Variants in PLCB1 observed in about 807,000 individuals in gnomAD.
PLCB1 encodes the protein phospholipase C beta 1.
PLCB1 carries 46 observed loss-of-function variants against 161.8 expected under a neutral mutation model. The observed-to-expected ratio is 0.28, with a 90% confidence interval of 0.22 to 0.36. PLCB1 has a LOEUF of 0.36. Ranked by LOEUF, PLCB1 falls within the 10% of genes least tolerant of loss-of-function variation. PLCB1 has a pLI of 1.00. For missense variants in PLCB1, 1,016 were observed against 1,472.5 expected (o/e 0.69, Z 5.07); for synonymous variants, 517 against 503.7 (o/e 1.03, Z -0.35).
intron 3 of PLCB1, among the ~76,000 whole-genome samples, chr20:8,561,301 C>T (rs954237432): frequency 6.6e-6 from 1 of 151,902 alleles, no homozygotes; most frequent in Non-Finnish European, 1.5e-5. Context: ...GTATCTTTAA[C>T]TTAGAACATA....
At chr20:8,341,064 C>T (rs1469453308) in intron 2 of PLCB1, among the ~76,000 whole-genome samples, 3 of 152,286 alleles carry the variant, frequency 2.0e-5, no homozygotes, top group African/African-American at 7.2e-5. Flanking sequence ...CACAAGCCTA[C>T]ATGTGGACCA....
At chr20:8,308,072 C>A (rs1466670747) in intron 2 of PLCB1, among the ~76,000 whole-genome samples, 3 of 151,964 alleles carry the variant, frequency 2.0e-5, no homozygotes, top group Admixed American at 2.0e-4. Flanking sequence ...GTCAAATAAA[C>A]AAAATGCATT....
chr20:8,163,795 T>A (rs2051649228), intron 2 of PLCB1, among the ~76,000 whole-genome samples: 1 of 152,184 alleles, frequency 6.6e-6, no homozygotes. Context: ...CTAGCCTACC[T>A]AATTTACATG....
chr20:8,632,855 T>C (rs1176581485), intron 4 of PLCB1, among the ~76,000 whole-genome samples: 3 of 152,176 alleles, frequency 2.0e-5, no homozygotes, highest in African/African-American at 7.2e-5. Context: ...TGCTGTAGGA[T>C]GGCATAGGCT....
chr20:8,319,343 C>T (rs1984799947), intron 2 of PLCB1, among the ~76,000 whole-genome samples: 1 of 152,088 alleles, frequency 6.6e-6, no homozygotes, highest in Non-Finnish European at 1.5e-5. Context: ...ACTCATATGT[C>T]TGGCGAGTAG....
At chr20:8,741,784 C>T (rs374049956) in intron 23 of PLCB1, among the ~76,000 whole-genome samples, 3 of 152,184 alleles carry the variant, frequency 2.0e-5, no homozygotes, top group African/African-American at 7.2e-5. Flanking sequence ...GTGGATACCA[C>T]GAGCATCTTA....
intron 2 of PLCB1, among the ~76,000 whole-genome samples, chr20:8,192,326 AGC>A (rs2051978570): frequency 6.6e-6 from 1 of 151,846 alleles, no homozygotes; most frequent in African/African-American, 2.4e-5. Context: ...TTGCCCGAGA[AGC>A]TAATTTAAAA....
In PLCB1 at chr20:8,435,454, G is replaced by A. The variant is rs542254331; in HGVS notation, c.246+64004G>A. 4.5e-4 allele frequency among the ~76,000 whole-genome samples: 68 copies of A among 152,284 alleles called. 1 individual carries two copies. The South Asian group carries it at 0.014, about 32-fold the overall frequency. On this transcript the variant is annotated intron_variant, in intron 3 of 31. Transcript: ENST00000338037. ...CTGGGTGAGCCTGACTTAATTAGGTGAAAGCCCTTAAAAAAGGAACTGGGC... is the reference window on the plus strand; with the variant it reads ...CTGGGTGAGCCTGACTTAATTAGGTAAAAGCCCTTAAAAAAGGAACTGGGC...
intron 2 of PLCB1, among the ~76,000 whole-genome samples, chr20:8,228,150 A>T (rs748701648): frequency 6.6e-6 from 1 of 151,952 alleles, no homozygotes; most frequent in Non-Finnish European, 1.5e-5. Flanking sequence ...CAGAAGTGAG[A>T]CTCTGTCTCA....
chr20:8,686,667 G>A (rs752575089), intron 10 of PLCB1, among the ~76,000 whole-genome samples: 13 of 152,132 alleles, frequency 8.5e-5, no homozygotes, highest in South Asian at 6.2e-4. Flanking sequence ...ATTCAATCGC[G>A]GCTGCCATTC....
At chr20:8,658,260 G>A (rs1253118635) in intron 8 of PLCB1, among the ~76,000 whole-genome samples, 2 of 152,142 alleles carry the variant, frequency 1.3e-5, no homozygotes, top group African/African-American at 4.8e-5. Context: ...GCACCCTTAT[G>A]CACATGATGC....
At chr20:8,403,998 T>A (rs1490586018) in intron 3 of PLCB1, among the ~76,000 whole-genome samples, 2 of 152,224 alleles carry the variant, frequency 1.3e-5, no homozygotes, top group African/African-American at 4.8e-5. Context: ...TCTGATACTT[T>A]GAGTTAAATC....
chr20:8,191,326 G>T (rs899390603), intron 2 of PLCB1, among the ~76,000 whole-genome samples: 3 of 151,894 alleles, frequency 2.0e-5, no homozygotes, highest in Non-Finnish European at 4.4e-5. Context: ...TCAAGACAAT[G>T]AACAACTATA....
chr20:8,839,207 AG>A (rs1469980122), intron 31 of PLCB1, among the ~76,000 whole-genome samples: 3 of 152,196 alleles, frequency 2.0e-5, no homozygotes, highest in African/African-American at 7.2e-5. Flanking sequence ...TGAAATTCCT[AG>A]GAGTCCAGTG....
At chr20:8,363,062 C>A (rs1485009754) in intron 2 of PLCB1, among the ~76,000 whole-genome samples, 2 of 152,206 alleles carry the variant, frequency 1.3e-5, no homozygotes, top group African/African-American at 4.8e-5. Flanking sequence ...ATGGTGACAG[C>A]ATTGCAGTCA....
At chr20:8,477,713 A>C (rs998138530) in intron 3 of PLCB1, among the ~76,000 whole-genome samples, 2 of 152,104 alleles carry the variant, frequency 1.3e-5, no homozygotes, top group African/African-American at 4.8e-5. Context: ...AGTGGGGAGG[A>C]TGTGCCAGGC....
rs1261035927 is a variant in PLCB1, at chr20:8,152,674, A to G, written c.177+2303A>G. 2.0e-5 allele frequency among the ~76,000 whole-genome samples: 3 copies of G among 151,944 alleles called. No homozygotes were observed. In the East Asian group the frequency reaches 5.8e-4, roughly 29 times the overall value. On this transcript the variant is annotated intron_variant, in intron 2 of 31. Transcript: ENST00000338037. ...GTGATACCTTTAAGTTTATCCCTTG[A>G]TTTTATACACTGTGTTTTCCATTGG...
chr20:8,676,905 A>G (rs1032571284), intron 9 of PLCB1, among the ~76,000 whole-genome samples: 3 of 152,254 alleles, frequency 2.0e-5, no homozygotes, highest in African/African-American at 7.2e-5. Context: ...TAATGTCCAT[A>G]GAAAAATAAC....
At chr20:8,380,820 C>G (rs148157845) in intron 3 of PLCB1, among the ~76,000 whole-genome samples, 155 of 152,264 alleles carry the variant, frequency 1.0e-3, no homozygotes, top group African/African-American at 3.6e-3. Flanking sequence ...GCTAAAGTTG[C>G]TTATCAGCTT....
Sources: allele counts gnomAD v4.1 joint callset (sites outside exome capture counted in the v4.1 genomes callset), GRCh38; gene constraint gnomAD v4.1.1; transcripts MANE v1.5; gene names NCBI Gene and HGNC (gene_info 2026-07-23, HGNC 2026-07-21).